The following ITPR3 variants were observed in gnomAD, a reference collection of about 807,000 sequenced individuals.
ITPR3 encodes the protein inositol 1,4,5-trisphosphate receptor type 3.
Under a neutral mutation model 293.2 loss-of-function variants are expected in ITPR3, and 173 were observed. The ratio of observed to expected loss-of-function variants is 0.59; its 90% CI spans 0.52 to 0.67. The LOEUF is 0.67. Among genes scored for constraint, ITPR3 ranks in the 30% least tolerant of loss-of-function variants. The pLI, the probability that ITPR3 is intolerant of heterozygous loss-of-function variation, is 0.00. For synonymous variants in ITPR3, 1,295 were observed against 1,444.4 expected (o/e 0.90, Z 2.35); for missense variants, 2,796 against 3,592.1 (o/e 0.78, Z 5.66).
In ITPR3 at chr6:33,691,364, A is replaced by C. The variant is rs1013621654; in HGVS notation, c.7226-251A>C. Among the ~76,000 whole-genome samples, 1 of 152,122 alleles carries C rather than the reference A, an allele frequency of 6.6e-6. No individual in the cohort carries two copies. The highest frequency in any genetic ancestry group is 1.5e-5 in the Non-Finnish European group (1 of 68,016). The stretch of plus-strand genomic sequence containing the variant: ...GAGGGCTGGAGTCCCTTGAACTGTC[A>C]TTCATGTTAAACCCAGTATTTGCAG... On this transcript the variant is annotated intron_variant, in intron 52 of 57. Transcript: ENST00000605930. The surrounding 1 kb of genome is among the most constrained non-coding windows in gnomAD (Gnocchi z 4.9).
At chr6:33,647,366 A>G (rs546585885) in intron 2 of ITPR3, among the ~76,000 whole-genome samples, 4 of 152,296 alleles carry the variant, frequency 2.6e-5, no homozygotes, top group Non-Finnish European at 5.9e-5. Context: ...TCACATAACA[A>G]GGAGTTTCCC....
chr6:33,628,868 C>T (rs374387709), intron 1 of ITPR3, among the ~76,000 whole-genome samples: 6 of 152,036 alleles, frequency 3.9e-5, no homozygotes, highest in Non-Finnish European at 5.9e-5. Flanking sequence ...CCAGCCAGCC[C>T]GCCAGCCAGC....
At chr6:33,681,361 C>T (rs1489415741) in intron 33 of ITPR3, among the ~76,000 whole-genome samples, 2 of 152,178 alleles carry the variant, frequency 1.3e-5, no homozygotes, top group Non-Finnish European at 2.9e-5. Flanking sequence ...CGACAGTCTC[C>T]CTGGCAGGAT....
At chr6:33,688,207 G>T in intron 47 of ITPR3, 32 bp from the exon 48 acceptor site, 6 of 1,614,004 alleles carry the variant, frequency 3.7e-6, no homozygotes, top group Non-Finnish European at 5.1e-6. Context: ...GGGAGCCTGC[G>T]CCGGGCGTGA....
intron 9 of ITPR3, among the ~76,000 whole-genome samples, chr6:33,663,273 G>A (rs555851667): frequency 9.2e-5 from 14 of 152,306 alleles, no homozygotes; most frequent in South Asian, 4.1e-4. Flanking sequence ...TCTGTAATGC[G>A]CACACTTGTG....
chr6:33,676,370 T>C (rs1764906271), intron 25 of ITPR3, among the ~76,000 whole-genome samples: 1 of 152,200 alleles, frequency 6.6e-6, no homozygotes, highest in Non-Finnish European at 1.5e-5. Flanking sequence ...TTTCCTCCAT[T>C]GCCCACAGAC....
rs747389188 is a variant in ITPR3 at position 33,665,146 on chromosome 6, G to A, written c.1342G>A (p.Ala448Thr). Residue 448 changes from alanine to threonine, a missense_variant, in exon 13 of 58, where the codon GCC becomes ACC. Transcript: ENST00000605930. ...CCGAGACCTGGACTTTGCCAATGAC[G>A]CCAGCTCCATGCTGGCCAGTGCCGT... ...EIRDLDFAND[A>T]SSMLASAVEK... The A allele has an allele frequency of 5.6e-6, 9 of 1,614,060 alleles. No individual in the cohort carries two copies. Among genetic ancestry groups the A allele is most frequent in the Admixed American group, 5.0e-5 (3 of 60,012 alleles).
chr6:33,637,484 T>C (rs892745441), intron 1 of ITPR3, among the ~76,000 whole-genome samples: 6 of 152,224 alleles, frequency 3.9e-5, no homozygotes, highest in African/African-American at 1.4e-4. Context: ...TTTGTTTGTT[T>C]TTTTAACGGA....
rs59543122 is a variant in ITPR3 at position 33,636,123 on chromosome 6, C to CAAA, written c.90-4334_90-4332dup. 4.0e-4 allele frequency among the ~76,000 whole-genome samples: 33 copies of CAAA among 83,304 alleles called. 2 individuals carry two copies. Among genetic ancestry groups the CAAA allele is most frequent in the African/African-American group, 1.2e-3 (17 of 14,040 alleles). The allele number at this position is 83,304 out of a possible 152,430, so 54.7% of individuals were successfully genotyped here. A position where few individuals can be genotyped will look rare whatever the true frequency, so the allele number is the denominator to read the frequency against. On this transcript the variant is annotated intron_variant, in intron 1 of 57. Coordinates refer to ENST00000605930, the MANE Select transcript of ITPR3 (RefSeq NM_002224.4). ...CCAACGTGGTGAAACGCTGTCTCTA[C>CAAA]AAAAAAAAAAAAAAAAAAAAAAAAA...
chr6:33,668,769 A>G, intron 17 of ITPR3, 135 bp downstream of exon 17: 1 of 1,414,768 alleles, frequency 7.1e-7, no homozygotes, highest in Non-Finnish European at 9.7e-7. Context: ...TGTGCCTGTT[A>G]TGTGCCCCGC....
chr6:33,688,643 CCCT>C lies in ITPR3; in HGVS notation c.6569-8_6569-6del. 2.5e-6 allele frequency: 4 copies of C among 1,613,928 alleles called. No individual in the cohort carries two copies. Among genetic ancestry groups the C allele is most frequent in the Non-Finnish European group, 3.4e-6 (4 of 1,179,948 alleles). ...AGGGCCCTCCAGCAGCTCACCGTTGCCCTCCTCTTCAGGCATGCCGCTGATCTA... is the reference window on the plus strand; with the variant it reads ...AGGGCCCTCCAGCAGCTCACCGTTGCCCTCTTCAGGCATGCCGCTGATCTA... On this transcript the variant is annotated splice_polypyrimidine_tract_variant and intron_variant, in intron 48 of 57. Transcript: ENST00000605930.
chr6:33,628,313 A>G (rs1053057126), intron 1 of ITPR3, among the ~76,000 whole-genome samples: 1 of 152,232 alleles, frequency 6.6e-6, no homozygotes, highest in Non-Finnish European at 1.5e-5. Context: ...TGGGGGAAGG[A>G]GGAAAGCAGA....
At chr6:33,636,123 CAAAAAAAAAAAAAAA>C (rs59543122) in intron 1 of ITPR3, among the ~76,000 whole-genome samples, 1 of 83,322 alleles carries the variant, frequency 1.2e-5, no homozygotes, top group East Asian at 4.3e-4. Flanking sequence ...GCTGTCTCTA[CAAAAAAAAAAAAAAA>C]AAAAAAAAAA....
chr6:33,689,963 C>G, intron 50 of ITPR3, 71 bp from the exon 51 acceptor site: 2 of 1,577,402 alleles, frequency 1.3e-6, no homozygotes, highest in Non-Finnish European at 1.7e-6. Flanking sequence ...GAGCTGGGCA[C>G]TGGGGGACAT....
At position 33,651,993 on chromosome 6, in the gene ITPR3, G is replaced by A. The variant is rs79603343; in HGVS notation, c.161-3773G>A. Among the ~76,000 whole-genome samples the A allele has an allele frequency of 1.6e-4, 25 of 152,212 alleles. No individual in the cohort carries two copies. The South Asian group carries it at 4.6e-3, about 28-fold the overall frequency. The stretch of plus-strand genomic sequence containing the variant: ...TTTTCTCCTGTCTGGACTAGGGTTC[G>A]AAGGGGCTGGTGGGCCATGTGGAGA... On this transcript the variant is annotated intron_variant, in intron 2 of 57. Transcript: ENST00000605930.
At position 33,664,259 on chromosome 6, in the gene ITPR3, C is replaced by T. The variant is rs756638086; in HGVS notation, c.1148+379C>T. Among the ~76,000 whole-genome samples the T allele has an allele frequency of 1.3e-5, 2 of 152,120 alleles. No individual in the cohort carries two copies. The highest frequency in any genetic ancestry group is 1.5e-5 in the Non-Finnish European group (1 of 68,036). Reference sequence around the variant, plus strand: ...TCAAGAAACTTCTCAAGTGTCAGTACAGGCTTTGGCGTGTCCTTAGCTGTA... The same window carrying T: ...TCAAGAAACTTCTCAAGTGTCAGTATAGGCTTTGGCGTGTCCTTAGCTGTA... On this transcript the variant is annotated intron_variant, in intron 11 of 57. Coordinates refer to ENST00000605930, the MANE Select transcript of ITPR3 (RefSeq NM_002224.4). This position sits in a 1 kb window ranked among gnomAD's most constrained non-coding sequence, Gnocchi z 4.4.
At chr6:33,693,852 C>T in intron 56 of ITPR3, 147 bp downstream of exon 56, 1 of 930,040 alleles carries the variant, frequency 1.1e-6, no homozygotes, top group East Asian at 2.7e-5. Context: ...CCCTAGGAGG[C>T]CAGGCAGAGG....
rs148527363 is a variant in ITPR3, at chr6:33,688,826, G to A, written c.6694+45G>A. ...CGGCAGGTTCCCCGGGCCCTGCCAT[G>A]CTTCCTCCCTGGGTTGGGGCAGAGC... On this transcript the variant is annotated intron_variant, in intron 49 of 57. Transcript: ENST00000605930. 5,773 of 1,613,300 alleles carry A rather than the reference G, an allele frequency of 3.6e-3. 159 individuals are homozygous for A. The East Asian group carries it at 0.049, about 14-fold the overall frequency.
Position 33,658,061 on chromosome 6 carries a change from C to T in ITPR3, c.369+43C>T. ...CTCTCCCGCCTGCCCCTCTCCCTGC[C>T]TAAGAGGCTGGGCTGGTGCTGGGTG... On this transcript the variant is annotated intron_variant, in intron 4 of 57. Coordinates refer to ENST00000605930, the MANE Select transcript of ITPR3 (RefSeq NM_002224.4). The surrounding 1 kb of genome is among the most constrained non-coding windows in gnomAD (Gnocchi z 6.1). The T allele has an allele frequency of 1.9e-6, 3 of 1,556,714 alleles. No individual in the cohort carries two copies. The highest frequency in any genetic ancestry group is 3.4e-5 in the Admixed American group (2 of 58,426).
Sources: gnomAD v4.1 joint callset for allele counts (sites outside exome capture counted in the v4.1 genomes callset) on GRCh38, gnomAD v4.1.1 for gene constraint, Gnocchi (gnomAD v3.1) non-coding constraint, MANE v1.5 for transcripts, NCBI Gene and HGNC (gene_info 2026-07-23, HGNC 2026-07-21) for gene names.